RBMS3: variants seen among roughly 807,000 people sequenced by gnomAD.
RBMS3 encodes RNA binding motif single stranded interacting protein 3, also known as RNA-binding motif, single-stranded-interacting protein 3.
A neutral mutation model predicts 66.8 loss-of-function variants in RBMS3; 27 were observed. The observed-to-expected ratio is 0.40, with a 90% CI of 0.30 to 0.56. RBMS3 has a LOEUF of 0.56. Ranked by LOEUF, RBMS3 falls within the 20% of genes least tolerant of loss-of-function variation. The pLI, the probability that RBMS3 is intolerant of heterozygous loss-of-function variation, is 0.40. For synonymous variants in RBMS3, 188 were observed against 183.0 expected (o/e 1.03, Z -0.22); for missense variants, 513 against 549.5 (o/e 0.93, Z 0.66).
intron 4 of RBMS3, among the ~76,000 whole-genome samples, chr3:29,668,874 A>G (rs1394966437): frequency 6.6e-6 from 1 of 152,242 alleles, no homozygotes; most frequent in East Asian, 1.9e-4. Context: ...TAAAATAGAT[A>G]AAGGCAAAAC....
intron 4 of RBMS3, among the ~76,000 whole-genome samples, chr3:29,735,688 A>G (rs2054348975): frequency 1.3e-5 from 2 of 152,186 alleles, no homozygotes; most frequent in Admixed American, 1.3e-4. Context: ...ACTCAGATAT[A>G]TTTATTTTTG....
intron 6 of RBMS3, among the ~76,000 whole-genome samples, chr3:29,806,172 A>G (rs2057541284): frequency 6.6e-6 from 1 of 152,046 alleles, no homozygotes; most frequent in African/African-American, 2.4e-5. Context: ...CGAAACCTAC[A>G]GGTAAAACAA....
intron 6 of RBMS3, among the ~76,000 whole-genome samples, chr3:29,763,453 G>A (rs1231049257): frequency 1.3e-5 from 2 of 152,040 alleles, no homozygotes; most frequent in African/African-American, 2.4e-5. Flanking sequence ...ATTTGACAAT[G>A]TCATGAAATC....
intron 6 of RBMS3, among the ~76,000 whole-genome samples, chr3:29,866,095 A>AAAAAAAAAAAT (rs2059355966): frequency 1.3e-5 from 2 of 151,800 alleles, no homozygotes; most frequent in African/African-American, 4.8e-5. Flanking sequence ...AAAAAAAAAA[A>AAAAAAAAAAAT]AAAATTCCTC....
chr3:29,991,416 A>C, intron 14 of RBMS3: 1 of 700,532 alleles, frequency 1.4e-6, no homozygotes, highest in Non-Finnish European at 2.2e-6. Context: ...TCAAACATCT[A>C]GGAACAGCTG....
chr3:29,384,601 G>A (rs1203786019), intron 1 of RBMS3, among the ~76,000 whole-genome samples: 1 of 152,100 alleles, frequency 6.6e-6, no homozygotes, highest in East Asian at 1.9e-4. Flanking sequence ...CGTAAAACAG[G>A]GAGAGAAGTT....
intron 13 of RBMS3, 91 bp downstream of exon 13, chr3:29,988,314 T>G: frequency 1.9e-6 from 2 of 1,047,700 alleles, no homozygotes; most frequent in Middle Eastern, 2.5e-4. Context: ...AATCCTCACT[T>G]GCAATTTTTG....
intron 12 of RBMS3, among the ~76,000 whole-genome samples, chr3:29,948,041 G>A (rs1695438028): frequency 6.6e-6 from 1 of 151,530 alleles, no homozygotes; most frequent in South Asian, 2.1e-4. Context: ...AACTTGTGGA[G>A]CATATTTTCA....
At chr3:29,524,212 A>G (rs2044983023) in intron 3 of RBMS3, among the ~76,000 whole-genome samples, 2 of 149,736 alleles carry the variant, frequency 1.3e-5, no homozygotes, top group African/African-American at 5.1e-5. Flanking sequence ...CAGAAAGGGG[A>G]TTTGAACTGG....
At chr3:29,416,718 A>G (rs949469072) in intron 1 of RBMS3, among the ~76,000 whole-genome samples, 6 of 152,232 alleles carry the variant, frequency 3.9e-5, no homozygotes, top group Middle Eastern at 3.4e-3. Context: ...TGTCTTGGGC[A>G]TTGTGGCAGG....
In RBMS3 at chr3:29,473,637, G is replaced by A. The variant is rs1272930042; in HGVS notation, c.249-14804G>A. Among the ~76,000 whole-genome samples the A allele has an allele frequency of 9.2e-5, 14 of 152,366 alleles. No homozygotes were observed. In the East Asian group the frequency reaches 2.7e-3, roughly 29 times the overall value. On this transcript the variant is annotated intron_variant, in intron 2 of 14. Coordinates refer to ENST00000383767, the MANE Select transcript of RBMS3 (RefSeq NM_001003793.3). Reference sequence around the variant, plus strand: ...AGGCATGGCGGGCTGCAGGTCCCGAGCCCTGCCCCTCGGGGAGGCAGCTAA... The same window carrying A: ...AGGCATGGCGGGCTGCAGGTCCCGAACCCTGCCCCTCGGGGAGGCAGCTAA...
intron 1 of RBMS3, among the ~76,000 whole-genome samples, chr3:29,350,701 T>A (rs987275231): frequency 6.6e-6 from 1 of 152,150 alleles, no homozygotes; most frequent in Admixed American, 6.6e-5. Context: ...TTCTTTTGAA[T>A]GGTAATCGAT....
intron 12 of RBMS3, among the ~76,000 whole-genome samples, chr3:29,985,136 C>T (rs1395257150): frequency 6.6e-6 from 1 of 152,180 alleles, no homozygotes; most frequent in African/African-American, 2.4e-5. Flanking sequence ...ACTATAGTGG[C>T]TTTGCCACCC....
At chr3:29,697,946 T>C (rs1440387013) in intron 4 of RBMS3, among the ~76,000 whole-genome samples, 1 of 152,228 alleles carries the variant, frequency 6.6e-6, no homozygotes, top group East Asian at 1.9e-4. Context: ...CCTGATATGC[T>C]TAGTAGTGCA....
chr3:29,597,412 T>C (rs184048935), intron 4 of RBMS3, among the ~76,000 whole-genome samples: 50 of 152,298 alleles, frequency 3.3e-4, no homozygotes, highest in Non-Finnish European at 6.2e-4. Flanking sequence ...TGGACACTTG[T>C]GAGAGCTGTT....
intron 4 of RBMS3, among the ~76,000 whole-genome samples, chr3:29,675,666 C>T (rs921918391): frequency 1.8e-4 from 28 of 152,300 alleles, no homozygotes; most frequent in African/African-American, 6.7e-4. Flanking sequence ...AGCCAACAGA[C>T]ACATGAAAAA....
At chr3:29,774,719 G>A (rs923000037) in intron 6 of RBMS3, among the ~76,000 whole-genome samples, 1 of 151,920 alleles carries the variant, frequency 6.6e-6, no homozygotes. Context: ...TTTTCCAGGG[G>A]CTACATGATT....
At chr3:29,334,719 G>A (rs535952809) in intron 1 of RBMS3, among the ~76,000 whole-genome samples, 7 of 152,078 alleles carry the variant, frequency 4.6e-5, no homozygotes, top group Non-Finnish European at 8.8e-5. Flanking sequence ...CCTGCATTGC[G>A]CTTTAAAGAA....
chr3:30,001,617 G>A (rs1480657255), intron 14 of RBMS3, among the ~76,000 whole-genome samples: 3 of 151,852 alleles, frequency 2.0e-5, no homozygotes, highest in Non-Finnish European at 4.4e-5. Context: ...TATCAATGAT[G>A]AGCAAATTAT....
Sources: allele counts gnomAD v4.1 joint callset (sites outside exome capture counted in the v4.1 genomes callset), GRCh38; gene constraint gnomAD v4.1.1; transcripts MANE v1.5; gene names NCBI Gene and HGNC (gene_info 2026-07-23, HGNC 2026-07-21).